The following NSG1 variants were observed in gnomAD, a reference collection of about 807,000 sequenced individuals.
The protein encoded by NSG1 is neuronal vesicle trafficking associated 1, also known as neuronal vesicle trafficking-associated protein 1.
In NSG1, 9 loss-of-function variants were observed where a neutral mutation model predicts 19.3. The ratio of observed to expected loss-of-function variants is 0.47; its 90% CI spans 0.28 to 0.81. The LOEUF (loss-of-function observed/expected upper bound fraction) is 0.81, where lower values mean the gene tolerates loss of function less well. Among genes scored for constraint, NSG1 ranks in the 40% least tolerant of loss-of-function variants. NSG1 has a pLI of 0.11. For missense variants in NSG1, 236 were observed against 242.4 expected (o/e 0.97, Z 0.18); for synonymous variants, 104 against 107.0 (o/e 0.97, Z 0.17).
At chr4:4,410,396 C>T (rs532763531) in intron 4 of NSG1, among the ~76,000 whole-genome samples, 1 of 152,350 alleles carries the variant, frequency 6.6e-6, no homozygotes, top group Non-Finnish European at 1.5e-5. Context: ...GGAATACGTC[C>T]TGAGAAACGC....
At chr4:4,402,390 T>A (rs1397431895) in intron 3 of NSG1, among the ~76,000 whole-genome samples, 9 of 105,926 alleles carry the variant, frequency 8.5e-5, no homozygotes, top group East Asian at 2.6e-4. Context: ...TTTTTTTTTT[T>A]TTTTTTTTTT....
intron 2 of NSG1, among the ~76,000 whole-genome samples, chr4:4,389,028 T>G (rs779834390): frequency 6.6e-6 from 1 of 152,196 alleles, no homozygotes; most frequent in Non-Finnish European, 1.5e-5. Context: ...CTCGTCCAGT[T>G]AGCGGGGCCT....
At chr4:4,387,516 G>T (rs1010338137) in intron 1 of NSG1, 88 bp from the exon 2 acceptor site, 3 of 894,190 alleles carry the variant, frequency 3.4e-6, no homozygotes, top group East Asian at 2.8e-5. Context: ...CGCGGACGCC[G>T]GGACGCCGGT....
At chr4:4,408,520 G>A (rs1188505345) in intron 3 of NSG1, among the ~76,000 whole-genome samples, 2 of 152,198 alleles carry the variant, frequency 1.3e-5, no homozygotes, top group African/African-American at 2.4e-5. Context: ...GAGTTCAGTG[G>A]CACTATCTCA....
chr4:4,404,931 G>A (rs1560144549), intron 3 of NSG1, among the ~76,000 whole-genome samples: 1 of 152,112 alleles, frequency 6.6e-6, no homozygotes. Context: ...GGCATGGTGC[G>A]GAAGGAACGG....
rs186402606 is a variant in NSG1, at chr4:4,413,966, G to A, written c.358-3269G>A. Among the ~76,000 whole-genome samples, 493 of 152,226 alleles carry A rather than the reference G, an allele frequency of 3.2e-3. 2 individuals carry two copies. The highest frequency in any genetic ancestry group is 3.7e-3 in the Non-Finnish European group (249 of 67,984). On this transcript the variant is annotated intron_variant, in intron 4 of 4. Transcript: ENST00000621129. ...GGCCGATGTCATGGAGAGGGAGCACGGGCAGGCCCAGGAGCTGGCCCTGAG... is the reference window on the plus strand; with the variant it reads ...GGCCGATGTCATGGAGAGGGAGCACAGGCAGGCCCAGGAGCTGGCCCTGAG...
At chr4:4,409,485 G>A in intron 3 of NSG1, 88 bp from the exon 4 acceptor site, 1 of 955,838 alleles carries the variant, frequency 1.0e-6, no homozygotes, top group African/African-American at 1.6e-5. Flanking sequence ...TGCACATGCT[G>A]TGTGGGGGGG....
chr4:4,404,645 A>G (rs1723756258), intron 3 of NSG1, among the ~76,000 whole-genome samples: 1 of 152,206 alleles, frequency 6.6e-6, no homozygotes, highest in Non-Finnish European at 1.5e-5. Context: ...AAGATACTGC[A>G]AGGTCCTGGA....
At chr4:4,412,690 G>A (rs1313212804) in intron 4 of NSG1, among the ~76,000 whole-genome samples, 1 of 152,160 alleles carries the variant, frequency 6.6e-6, no homozygotes, top group Non-Finnish European at 1.5e-5. Context: ...TGTTGCTCAC[G>A]GAATCCATAC....
intron 3 of NSG1, among the ~76,000 whole-genome samples, chr4:4,395,598 G>A (rs1260991340): frequency 6.6e-6 from 1 of 152,134 alleles, no homozygotes; most frequent in African/African-American, 2.4e-5. Flanking sequence ...ACACGGGCAT[G>A]ATGGAGGGTC....
intron 2 of NSG1, among the ~76,000 whole-genome samples, chr4:4,389,289 G>C (rs1323696295): frequency 6.6e-6 from 1 of 152,228 alleles, no homozygotes; most frequent in African/African-American, 2.4e-5. Context: ...TCGACCAGGA[G>C]TAGCCTAGGC....
At chr4:4,395,462 A>G (rs1723205342) in intron 3 of NSG1, among the ~76,000 whole-genome samples, 1 of 152,112 alleles carries the variant, frequency 6.6e-6, no homozygotes. Context: ...TTTATTACCC[A>G]GTTAGATTTC....
At chr4:4,403,442 C>T (rs1037027169) in intron 3 of NSG1, among the ~76,000 whole-genome samples, 8 of 152,194 alleles carry the variant, frequency 5.3e-5, no homozygotes, top group East Asian at 1.9e-4. Flanking sequence ...TATCCTGTAG[C>T]GCAATGTCTT....
chr4:4,416,742 T>G (rs1319764342), intron 4 of NSG1, among the ~76,000 whole-genome samples: 1 of 152,032 alleles, frequency 6.6e-6, no homozygotes, highest in Non-Finnish European at 1.5e-5. Context: ...GTGTGCCTCT[T>G]CTGACTCCCG....
intron 4 of NSG1, among the ~76,000 whole-genome samples, 189 bp downstream of exon 4, chr4:4,409,872 C>T (rs1724078028): frequency 6.6e-6 from 1 of 152,172 alleles, no homozygotes; most frequent in South Asian, 2.1e-4. Flanking sequence ...AGGCAGGGGG[C>T]ACATGAGACC....
chr4:4,389,324 T>A (rs1722886064), intron 2 of NSG1, among the ~76,000 whole-genome samples: 1 of 152,166 alleles, frequency 6.6e-6, no homozygotes, highest in African/African-American at 2.4e-5. Flanking sequence ...ATGAGTCTGC[T>A]CTCTCTGCAA....
chr4:4,402,368 G>GTTTTTTTTTTTTTTTT (rs1560143233), intron 3 of NSG1, among the ~76,000 whole-genome samples: 6 of 99,642 alleles, frequency 6.0e-5, no homozygotes, highest in African/African-American at 2.5e-4. Flanking sequence ...ACCACGCCTG[G>GTTTTTTTTTTTTTTTT]TTATTTTTTT....
Position 4,416,111 on chromosome 4 carries a change from T to A in NSG1, c.358-1124T>A, listed in dbSNP as rs548806049. The A allele has an allele frequency of 1.5e-4, 108 of 702,314 alleles. 2 individuals are homozygous for A. In the East Asian group the frequency reaches 1.6e-3, roughly 10 times the overall value. The allele number at this position is 702,314 out of a possible 1,614,324, so 43.5% of individuals were successfully genotyped here. A position where few individuals can be genotyped will look rare whatever the true frequency, so the allele number is the denominator to read the frequency against. Reference sequence around the variant, plus strand: ...TTGAGCCACTGTGCATTGACTTGAGTCCTCAGCAACACGGTGGTGTGACTC... The same window carrying A: ...TTGAGCCACTGTGCATTGACTTGAGACCTCAGCAACACGGTGGTGTGACTC... On this transcript the variant is annotated intron_variant, in intron 4 of 4. Transcript: ENST00000621129.
intron 3 of NSG1, among the ~76,000 whole-genome samples, chr4:4,402,993 AC>A (rs1443628796): frequency 2.6e-5 from 4 of 152,158 alleles, no homozygotes; most frequent in Non-Finnish European, 4.4e-5. Flanking sequence ...AACTAAATCC[AC>A]GTTCTGTTCG....
Sources: allele counts gnomAD v4.1 joint callset (sites outside exome capture counted in the v4.1 genomes callset), GRCh38; gene constraint gnomAD v4.1.1; transcripts MANE v1.5; gene names NCBI Gene and HGNC (gene_info 2026-07-23, HGNC 2026-07-21).